DOCK5: variants seen among roughly 807,000 people sequenced by gnomAD.
DOCK5 encodes dedicator of cytokinesis protein 5.
Under a neutral mutation model 251.8 loss-of-function variants are expected in DOCK5, and 142 were observed. That is an observed-to-expected ratio of 0.56 (90% CI 0.49 to 0.65). The LOEUF (loss-of-function observed/expected upper bound fraction) is 0.65. Ranked by LOEUF, DOCK5 falls within the 30% of genes least tolerant of loss-of-function variation. The probability of loss-of-function intolerance (pLI) is 0.00; values close to 1 mark genes in which losing one functional copy is unlikely to be tolerated. For missense variants in DOCK5, 2,111 were observed against 2,312.3 expected (o/e 0.91, Z 1.79); for synonymous variants, 842 against 835.5 (o/e 1.01, Z -0.13).
At position 25,299,116 on chromosome 8, in the gene DOCK5, C is replaced by T. The variant is rs530853373; in HGVS notation, c.764+15C>T. On this transcript the variant is annotated intron_variant, in intron 8 of 51. Transcript: ENST00000276440. ...ACTTTTATCAGGTAGCAGAGACCCACATCCCCTGCTGCTGACCTAACAAAG... is the reference window on the plus strand; with the variant it reads ...ACTTTTATCAGGTAGCAGAGACCCATATCCCCTGCTGCTGACCTAACAAAG... 19 of 1,611,554 alleles carry T rather than the reference C, an allele frequency of 1.2e-5. No individual in the cohort carries two copies. The South Asian group carries it at 1.7e-4, about 14-fold the overall frequency.
intron 17 of DOCK5, among the ~76,000 whole-genome samples, chr8:25,324,690 A>G (rs1805515619): frequency 6.6e-6 from 1 of 152,192 alleles, no homozygotes. Flanking sequence ...CATGTGCACA[A>G]CGTGCAGGTT....
intron 26 of DOCK5, among the ~76,000 whole-genome samples, chr8:25,351,198 C>T (rs1800461084): frequency 6.6e-6 from 1 of 152,166 alleles, no homozygotes; most frequent in Non-Finnish European, 1.5e-5. Flanking sequence ...GCTGGGACTA[C>T]AGATGCCCGC....
chr8:25,344,040 T>A (rs1800313171), intron 25 of DOCK5, among the ~76,000 whole-genome samples: 2 of 152,130 alleles, frequency 1.3e-5, no homozygotes, highest in South Asian at 4.1e-4. Flanking sequence ...GCTCCTGACC[T>A]CAGGTGATCC....
intron 21 of DOCK5, among the ~76,000 whole-genome samples, chr8:25,334,732 A>G (rs1805761410): frequency 6.6e-6 from 1 of 150,764 alleles, no homozygotes; most frequent in South Asian, 2.1e-4. Flanking sequence ...AAAAAAATCG[A>G]GCAAAATCAA....
At chr8:25,407,864 CAAAAAAAAAAA>C in intron 48 of DOCK5, 108 bp from the exon 49 acceptor site, 3 of 987,388 alleles carry the variant, frequency 3.0e-6, no homozygotes, top group Non-Finnish European at 4.1e-6. Context: ...GACCCTGTCT[CAAAAAAAAAAA>C]AAAAAAAAAA....
chr8:25,349,515 A>G (rs1420495864), intron 26 of DOCK5, among the ~76,000 whole-genome samples: 1 of 152,218 alleles, frequency 6.6e-6, no homozygotes, highest in Admixed American at 6.5e-5. Flanking sequence ...TATGAAACCC[A>G]TCTAAGTGTC....
intron 13 of DOCK5, among the ~76,000 whole-genome samples, chr8:25,313,997 C>T (rs1376180387): frequency 2.6e-5 from 4 of 152,146 alleles, no homozygotes; most frequent in Non-Finnish European, 5.9e-5. Flanking sequence ...ATCATCCACT[C>T]ACTTGGCTTT....
chr8:25,333,186 T>C lies in DOCK5; in HGVS notation c.2091+494T>C, dbSNP rs147001299. Among the ~76,000 whole-genome samples the C allele has an allele frequency of 4.2e-4, 64 of 152,266 alleles. No individual in the cohort carries two copies. In the East Asian group the frequency reaches 9.5e-3, roughly 23 times the overall value. ...GAAATCAGATCAGGGATAAGTGATA[T>C]CAGAATCTGGGAAAGCCAGAGGTGA... On this transcript the variant is annotated intron_variant, in intron 20 of 51. Transcript: ENST00000276440.
intron 1 of DOCK5, among the ~76,000 whole-genome samples, chr8:25,238,355 C>T (rs1406206945): frequency 2.6e-5 from 4 of 152,122 alleles, no homozygotes; most frequent in Admixed American, 6.5e-5. Context: ...CCACTGTATA[C>T]AATTACTAAG....
In DOCK5 at chr8:25,380,862, CCACCATTCCGAATGCCCAGTGGAGGCAG is replaced by C. The variant is rs1563223438; in HGVS notation, c.4026+506_4026+533del. 1.3e-3 allele frequency among the ~76,000 whole-genome samples: 192 copies of C among 150,396 alleles called. 2 individuals are homozygous for C. Among genetic ancestry groups the C allele is most frequent in the East Asian group, 9.4e-3 (48 of 5,098 alleles). On this transcript the variant is annotated intron_variant, in intron 39 of 51. Coordinates refer to ENST00000276440, the MANE Select transcript of DOCK5 (RefSeq NM_024940.8). ...CATTCCGAATGCCCAGTGGAGGCAG[CCACCATTCCGAATGCCCAGTGGAGGCAG>C]CACCATTCCGAATGCCCAGTGGAGG...
In DOCK5 at chr8:25,317,058, A is replaced by G; in HGVS notation, c.1370A>G (p.Lys457Arg). 1 of 1,613,986 alleles carries G rather than the reference A, an allele frequency of 6.2e-7. No homozygotes were observed. The highest frequency in any genetic ancestry group is 8.5e-7 in the Non-Finnish European group (1 of 1,179,870). The change falls in exon 14 of 52, where the codon AAA (lysine) becomes AGA (arginine). Residue 457 changes from lysine to arginine, a missense_variant. By Grantham distance (26) the Lys-to-Arg change is conservative. Coordinates refer to ENST00000276440, the MANE Select transcript of DOCK5 (RefSeq NM_024940.8). Reference sequence around the variant, plus strand: ...ACCCTGATCCACGGTGAGTTTGACAAAGGGAAGAAGAAGACGCCAAAGAAT... The same window carrying G: ...ACCCTGATCCACGGTGAGTTTGACAGAGGGAAGAAGAAGACGCCAAAGAAT... ...YVTLIHGEFD[K>R]GKKKTPKNVE...
At chr8:25,226,663 G>A (rs1360392777) in intron 1 of DOCK5, among the ~76,000 whole-genome samples, 2 of 150,070 alleles carry the variant, frequency 1.3e-5, no homozygotes, top group Non-Finnish European at 2.9e-5. Flanking sequence ...TCAGCTCCCT[G>A]CAAGCTCCGC....
intron 34 of DOCK5, among the ~76,000 whole-genome samples, chr8:25,371,675 T>G (rs1023496803): frequency 2.0e-5 from 3 of 152,224 alleles, no homozygotes; most frequent in Non-Finnish European, 4.4e-5. Context: ...AATGAAGTTA[T>G]GCACATATAC....
chr8:25,324,936 G>C (rs1170635319), intron 17 of DOCK5, among the ~76,000 whole-genome samples: 2 of 151,578 alleles, frequency 1.3e-5, no homozygotes, highest in Non-Finnish European at 2.9e-5. Flanking sequence ...TGAGAATGAT[G>C]GTTTCCAGCT....
intron 20 of DOCK5, 45 bp downstream of exon 20, chr8:25,332,737 G>T: frequency 6.9e-7 from 1 of 1,440,040 alleles, no homozygotes; most frequent in Non-Finnish European, 9.5e-7. Flanking sequence ...TTGCAACTTT[G>T]TAGTTTTCAA....
chr8:25,200,993 G>A (rs183964669), intron 1 of DOCK5, among the ~76,000 whole-genome samples: 37 of 152,134 alleles, frequency 2.4e-4, no homozygotes, highest in South Asian at 2.1e-4. Flanking sequence ...TGCAACCTCC[G>A]CCTCCTGGGT....
chr8:25,296,645 G>A lies in DOCK5; in HGVS notation c.603G>A (p.Glu201=), dbSNP rs1343295836. 12 of 1,612,750 alleles carry A rather than the reference G, an allele frequency of 7.4e-6. No homozygotes were observed. Among genetic ancestry groups the A allele is most frequent in the Non-Finnish European group, 9.3e-6 (11 of 1,179,362 alleles). The change falls in exon 7 of 52, where the codon GAG becomes GAA. Residue 201 remains glutamate (E), a synonymous_variant. Coordinates refer to ENST00000276440, the MANE Select transcript of DOCK5 (RefSeq NM_024940.8). ...GGATTGAGGAAAAGATCCAAGAAGA[G>A]AAGGTACAGTTCCTCAAATGTGAAA... The part of the protein sequence containing the change: ...SKRIEEKIQE[E]KSILQNLDLR...
chr8:25,398,777 T>A (rs1801388521), intron 45 of DOCK5, among the ~76,000 whole-genome samples: 1 of 152,228 alleles, frequency 6.6e-6, no homozygotes, highest in Non-Finnish European at 1.5e-5. Context: ...CCTACTCCAG[T>A]ATGTATGACC....
intron 1 of DOCK5, among the ~76,000 whole-genome samples, chr8:25,239,337 G>A (rs866938150): frequency 1.9e-4 from 22 of 114,444 alleles, no homozygotes; most frequent in African/African-American, 4.3e-4. Flanking sequence ...GTGTGTGTGT[G>A]TGTATGTGTG....
Sources: gnomAD v4.1 joint callset for allele counts (sites outside exome capture counted in the v4.1 genomes callset) on GRCh38, gnomAD v4.1.1 for gene constraint, MANE v1.5 for transcripts, NCBI Gene and HGNC (gene_info 2026-07-23, HGNC 2026-07-21) for gene names.